The following NUBP1 variants were observed in gnomAD, a reference collection of about 807,000 sequenced individuals.
The protein encoded by NUBP1 is cytosolic Fe-S cluster assembly factor NUBP1.
In NUBP1, 46 loss-of-function variants were observed where a neutral mutation model predicts 41.8. That is an observed-to-expected ratio of 1.10 (90% CI 0.87 to 1.41). NUBP1 has a LOEUF of 1.41. Ranked by LOEUF, NUBP1 falls within the 40% of genes most tolerant of loss-of-function variation. The pLI is 0.00. For synonymous variants in NUBP1, 189 were observed against 154.6 expected (o/e 1.22, Z -1.65); for missense variants, 494 against 414.0 (o/e 1.19, Z -1.68).
chr16:10,748,056 T>A (rs1458590744), intron 3 of NUBP1, among the ~76,000 whole-genome samples: 1 of 152,186 alleles, frequency 6.6e-6, no homozygotes, highest in East Asian at 1.9e-4. Flanking sequence ...CATCAAGCTA[T>A]CCTCCCACCT....
Position 10,743,850 on chromosome 16 carries a change from G to T in NUBP1, c.-14G>T. The stretch of plus-strand genomic sequence containing the variant: ...GCGGGTTCCGGTGACCACGAAGGCG[G>T]CAAAGGCGACGGAATGGAGGAGGTG... On this transcript the variant is annotated 5_prime_UTR_variant, in exon 1 of 11. Transcript: ENST00000283027. The T allele has an allele frequency of 1.3e-6, 2 of 1,560,076 alleles. No homozygotes were observed. The highest frequency in any genetic ancestry group is 2.4e-5 in the South Asian group (2 of 84,546).
In NUBP1 at chr16:10,765,606, G is replaced by A. The variant is rs543000686; in HGVS notation, c.821-2343G>A. Among the ~76,000 whole-genome samples the A allele has an allele frequency of 3.3e-5, 5 of 152,214 alleles. No homozygotes were observed. Among genetic ancestry groups the A allele is most frequent in the African/African-American group, 1.2e-4 (5 of 41,454 alleles). ...TTGCCATTGTCTGACAGATCAGGAA[G>A]TGACCTTGGGGCTATTAGATCCTGA... On this transcript the variant is annotated intron_variant, in intron 9 of 10. Coordinates refer to ENST00000283027, the MANE Select transcript of NUBP1 (RefSeq NM_002484.4). The surrounding 1 kb of genome is among the most constrained non-coding windows in gnomAD (Gnocchi z 4.0).
intron 9 of NUBP1, among the ~76,000 whole-genome samples, chr16:10,762,516 C>T (rs1295188322): frequency 6.6e-6 from 1 of 152,248 alleles, no homozygotes; most frequent in Non-Finnish European, 1.5e-5. Context: ...CTCGAAGCTG[C>T]TCCCCCAGGA....
rs12445052 is a variant in NUBP1, at chr16:10,750,843, C to T, written c.259-1767C>T. On this transcript the variant is annotated intron_variant, in intron 3 of 10. Transcript: ENST00000283027. ...TGAGTAAAGGAGACGCTTTGGGTCC[C>T]GACAGCCTTGCAGCATCTCCACCTT... Among the ~76,000 whole-genome samples, 656 of 152,278 alleles carry T rather than the reference C, an allele frequency of 4.3e-3. 7 individuals are homozygous for T. Among genetic ancestry groups the T allele is most frequent in the Middle Eastern group, 0.021 (6 of 292 alleles).
At chr16:10,752,426 G>C (rs1003775185) in intron 3 of NUBP1, among the ~76,000 whole-genome samples, 184 bp from the exon 4 acceptor site, 7 of 152,186 alleles carry the variant, frequency 4.6e-5, no homozygotes, top group African/African-American at 1.7e-4. Context: ...GGGGGCATCA[G>C]TGTTTATGAA....
chr16:10,763,969 T>C (rs2030428170), intron 9 of NUBP1: 1 of 191,402 alleles, frequency 5.2e-6, no homozygotes, highest in Non-Finnish European at 1.1e-5. Context: ...CACAGGAGTA[T>C]CTCAGGCCAC....
At chr16:10,761,550 C>T in intron 8 of NUBP1, 76 bp downstream of exon 8, 1 of 1,251,198 alleles carries the variant, frequency 8.0e-7, no homozygotes, top group Non-Finnish European at 1.2e-6. Context: ...GGCTGCTCTG[C>T]AAACTATTTC....
intron 2 of NUBP1, among the ~76,000 whole-genome samples, chr16:10,744,843 C>A (rs2142649339): frequency 6.6e-6 from 1 of 151,030 alleles, no homozygotes; most frequent in Non-Finnish European, 1.5e-5. Flanking sequence ...CTGCAACTTT[C>A]ACCTCTCAGG....
Position 10,769,201 on chromosome 16 carries a change from C to A in NUBP1, c.*96C>A. On this transcript the variant is annotated 3_prime_UTR_variant, in exon 11 of 11. Coordinates refer to ENST00000283027, the MANE Select transcript of NUBP1 (RefSeq NM_002484.4). ...CGACCAGCTCCGGGATGGGGTGGGT[C>A]ACAGCAAAAGGACCAGATGCTGGTG... The A allele has an allele frequency of 8.9e-7, 1 of 1,122,030 alleles. No individual in the cohort carries two copies. The highest frequency in any genetic ancestry group is 1.3e-6 in the Non-Finnish European group (1 of 747,450). The allele number at this position is 1,122,030 out of a possible 1,614,324, so 69.5% of individuals were successfully genotyped here. A position where few individuals can be genotyped will look rare whatever the true frequency, so the allele number is the denominator to read the frequency against.
In NUBP1 at chr16:10,757,519, A is replaced by T. The variant is rs935518208; in HGVS notation, c.452-354A>T. ...CCGTGTTCTACACCATAGGGTGTTA[A>T]ACAGTGTCCCTGGCCTTTACCCACA... On this transcript the variant is annotated intron_variant, in intron 6 of 10. Transcript: ENST00000283027. The surrounding 1 kb of genome is among the most constrained non-coding windows in gnomAD (Gnocchi z 4.1). Among the ~76,000 whole-genome samples, 27 of 152,156 alleles carry T rather than the reference A, an allele frequency of 1.8e-4. 2 individuals are homozygous for T. Among genetic ancestry groups the T allele is most frequent in the Admixed American group, 1.7e-3 (26 of 15,280 alleles).
chr16:10,758,057 C>G, intron 7 of NUBP1, 30 bp downstream of exon 7: 1 of 1,607,592 alleles, frequency 6.2e-7, no homozygotes, highest in Non-Finnish European at 8.5e-7. Context: ...GAGCTGGGTC[C>G]AAACTGTGCT....
At chr16:10,755,135 C>G (rs56359255) in intron 4 of NUBP1, among the ~76,000 whole-genome samples, 4,201 of 152,296 alleles carry the variant, frequency 0.028, 202 homozygotes, top group African/African-American at 0.096. Context: ...GTCATATTGT[C>G]TATGAATCAT....
chr16:10,756,703 A>T lies in NUBP1; in HGVS notation c.374A>T (p.Asn125Ile). Residue 125 changes from asparagine to isoleucine, a missense_variant, in exon 6 of 11, where the codon AAC (asparagine) becomes ATC (isoleucine). Physicochemically the swap from Asn to Ile is moderately radical, Grantham distance 149. Transcript: ENST00000283027. ...TTCCCTCTGCAGTACGTGGAAGACA[A>T]CCTGGGGGTGATGTCAGTGGGCTTC... is the stretch of plus-strand genomic sequence containing the variant. The part of the protein sequence containing the change: ...SGWSPVYVED[N>I]LGVMSVGFLL... 6.4e-7 allele frequency: 1 copy of T among 1,573,152 alleles called. No individual in the cohort carries two copies. Among genetic ancestry groups the T allele is most frequent in the East Asian group, 2.5e-5 (1 of 40,636 alleles).
intron 2 of NUBP1, 31 bp from the exon 3 acceptor site, chr16:10,747,112 C>A (rs374514777): frequency 1.9e-6 from 3 of 1,612,086 alleles, no homozygotes; most frequent in Non-Finnish European, 2.5e-6. Context: ...GGTGTGGGAC[C>A]TCATCCCCTG....
At position 10,761,853 on chromosome 16, in the gene NUBP1, C is replaced by A; in HGVS notation, c.814C>A (p.Leu272Ile). The A allele has an allele frequency of 6.2e-7, 1 of 1,613,240 alleles. No individual in the cohort carries two copies. The highest frequency in any genetic ancestry group is 8.5e-7 in the Non-Finnish European group (1 of 1,179,306). ...CCTCGGCAGAGTGCCCCTGGATCCG[C>A]TCATAGGTGGGTGACCCCAGTGTGG... ...PLLGRVPLDP[L>I]IGKNCDKGQS... Residue 272 changes from leucine (L) to isoleucine (I), a missense_variant, in exon 9 of 11, where the codon CTC (leucine) becomes ATC (isoleucine). Leu to Ile is a conservative substitution (Grantham distance 5, BLOSUM62 2). Transcript: ENST00000283027.
At position 10,768,191 on chromosome 16, in the gene NUBP1, A is replaced by T; in HGVS notation, c.904+159A>T. 1 of 561,848 alleles carries T rather than the reference A, an allele frequency of 1.8e-6. No homozygotes were observed. The highest frequency in any genetic ancestry group is 3.1e-6 in the Non-Finnish European group (1 of 318,568). The allele number at this position is 561,848 out of a possible 1,614,324, so 34.8% of individuals were successfully genotyped here. ...CCAGGAGTCCATGAGAAATCTCTCA[A>T]TGTGTGAGTATTGTGAATTAATTCA... On this transcript the variant is annotated intron_variant, in intron 10 of 10. Coordinates refer to ENST00000283027, the MANE Select transcript of NUBP1 (RefSeq NM_002484.4). This position sits in a 1 kb window ranked among gnomAD's most constrained non-coding sequence, Gnocchi z 4.3.
rs777149995 is a variant in NUBP1, at chr16:10,749,120, G to GACACACACACACACACACAC, written c.258+1849_258+1850insCACACACACACACACACACA. 4.1e-4 allele frequency among the ~76,000 whole-genome samples: 38 copies of GACACACACACACACACACAC among 92,372 alleles called. No homozygotes were observed. The highest frequency in any genetic ancestry group is 1.5e-3 in the African/African-American group (38 of 25,804). The allele number at this position is 92,372 out of a possible 152,430, so 60.6% of individuals were successfully genotyped here. ...AAAAAAGGATATAGATAGATACACA[G>GACACACACACACACACACAC]ACACATACACACACACACACACACA... On this transcript the variant is annotated intron_variant, in intron 3 of 10. Coordinates refer to ENST00000283027, the MANE Select transcript of NUBP1 (RefSeq NM_002484.4). The surrounding 1 kb of genome is among the most constrained non-coding windows in gnomAD (Gnocchi z 4.1).
rs772683686 is a variant in NUBP1, at chr16:10,746,615, C to T, written c.125-528C>T. ...AATTAGCCAGGCATGGTGGCAGGCA[C>T]CTGTAATCCCAGCTACTTGGGAGGC... is the stretch of plus-strand genomic sequence containing the variant. On this transcript the variant is annotated intron_variant, in intron 2 of 10. Coordinates refer to ENST00000283027, the MANE Select transcript of NUBP1 (RefSeq NM_002484.4). 5.9e-5 allele frequency among the ~76,000 whole-genome samples: 9 copies of T among 152,130 alleles called. No individual in the cohort carries two copies. In the South Asian group the frequency reaches 1.2e-3, roughly 21 times the overall value.
At chr16:10,758,966 C>T (rs1900759113) in intron 7 of NUBP1, among the ~76,000 whole-genome samples, 1 of 152,184 alleles carries the variant, frequency 6.6e-6, no homozygotes, top group African/African-American at 2.4e-5. Context: ...ATGGTGCTAT[C>T]CATCTCAGGG....
Sources: gnomAD v4.1 joint callset for allele counts (sites outside exome capture counted in the v4.1 genomes callset) on GRCh38, gnomAD v4.1.1 for gene constraint, Gnocchi (gnomAD v3.1) non-coding constraint, MANE v1.5 for transcripts, NCBI Gene and HGNC (gene_info 2026-07-23, HGNC 2026-07-21) for gene names.